The following PITPNC1 variants were observed in gnomAD, a reference collection of about 807,000 sequenced individuals.
The protein encoded by PITPNC1 is phosphatidylinositol transfer protein cytoplasmic 1.
Under a neutral mutation model 44.7 loss-of-function variants are expected in PITPNC1, and 18 were observed. The observed-to-expected ratio is 0.40, with a 90% CI of 0.28 to 0.60. PITPNC1 has a LOEUF of 0.60. Ranked by LOEUF, PITPNC1 falls within the 20% of genes least tolerant of loss-of-function variation. The pLI is 0.39. For synonymous variants in PITPNC1, 141 were observed against 149.6 expected, an observed-to-expected ratio of 0.94 and a Z score of 0.42; for missense variants, 290 against 418.4, an observed-to-expected ratio of 0.69 and a Z score of 2.68.
At chr17:67,406,674 C>T (rs2038406101) in intron 1 of PITPNC1, among the ~76,000 whole-genome samples, 1 of 151,484 alleles carries the variant, frequency 6.6e-6, no homozygotes, top group African/African-American at 2.4e-5. Flanking sequence ...GCAGCATCCG[C>T]CTCCCAGGTT....
In PITPNC1 at chr17:67,377,974, C is replaced by T. The variant is rs991540157; in HGVS notation, c.-181C>T. Reference sequence around the variant, plus strand: ...GGAGCTGCGAACACCCAGACCCAAACCCTGACATGCTCTGGGGCGGAGAGG... The same window carrying T: ...GGAGCTGCGAACACCCAGACCCAAATCCTGACATGCTCTGGGGCGGAGAGG... On this transcript the variant is annotated 5_prime_UTR_variant, in exon 1 of 9. Transcript: ENST00000581322. The T allele has an allele frequency of 6.9e-6, 3 of 434,310 alleles. No individual in the cohort carries two copies. In the Admixed American group the frequency reaches 1.4e-4, roughly 20 times the overall value. 26.9% of individuals were successfully genotyped at this position (434,310 alleles called of 1,614,324 possible). A position where few individuals can be genotyped will look rare whatever the true frequency, so the allele number is the denominator to read the frequency against.
At chr17:67,545,975 C>G (rs977035053) in intron 2 of PITPNC1, among the ~76,000 whole-genome samples, 1 of 151,856 alleles carries the variant, frequency 6.6e-6, no homozygotes, top group African/African-American at 2.4e-5. Flanking sequence ...TTTGGGAGCC[C>G]GAGGTGGGTG....
At chr17:67,381,943 TG>T (rs969331486) in intron 1 of PITPNC1, among the ~76,000 whole-genome samples, 16 of 152,154 alleles carry the variant, frequency 1.1e-4, no homozygotes, top group South Asian at 1.0e-3. Context: ...GTGGCACTGG[TG>T]TGTTATTATC....
At chr17:67,605,574 T>C (rs115827187) in intron 5 of PITPNC1, among the ~76,000 whole-genome samples, 2,078 of 152,350 alleles carry the variant, frequency 0.014, 51 homozygotes, top group African/African-American at 0.048. Context: ...CTCGTGTTTT[T>C]CTGTCAACCT....
At chr17:67,468,400 CT>C (rs139820910) in intron 1 of PITPNC1, among the ~76,000 whole-genome samples, 10,633 of 119,824 alleles carry the variant, frequency 0.089, 375 homozygotes, top group African/African-American at 0.14. Context: ...GCTTTCTTTC[CT>C]TTTTTTTTTT....
Position 67,507,995 on chromosome 17 carries a change from A to C in PITPNC1, c.49-24807A>C, listed in dbSNP as rs376236460. Among the ~76,000 whole-genome samples, 208 of 152,268 alleles carry C rather than the reference A, an allele frequency of 1.4e-3. 1 individual carries two copies. The highest frequency in any genetic ancestry group is 4.8e-3 in the African/African-American group (201 of 41,532). On this transcript the variant is annotated intron_variant, in intron 1 of 8. Transcript: ENST00000581322. ...GTGTTTAAACATGTCCAGGCCACCT[A>C]GTTGTCCCCGGAATCCTTAACCTCA...
In PITPNC1 at chr17:67,532,901, C is replaced by A; in HGVS notation, c.148C>A (p.Pro50Thr). 6.2e-7 allele frequency: 1 copy of A among 1,610,440 alleles called. No homozygotes were observed. Among genetic ancestry groups the A allele is most frequent in the Middle Eastern group, 1.7e-4 (1 of 5,876 alleles). Residue 50 changes from proline to threonine, a missense_variant, in exon 2 of 9, where the codon CCT becomes ACT. Coordinates refer to ENST00000581322, the MANE Select transcript of PITPNC1 (RefSeq NM_012417.4). ...CGTCCAGAATGAGCCCTTTGAGGACCCTCACCATGGCAATGGGCAGTTCAC... is the reference window on the plus strand; with the variant it reads ...CGTCCAGAATGAGCCCTTTGAGGACACTCACCATGGCAATGGGCAGTTCAC... The part of the protein sequence containing the change: ...EVVQNEPFED[P>T]HHGNGQFTEK...
rs569783040 is a variant in PITPNC1, at chr17:67,416,607, C to G, written c.48+38405C>G. On this transcript the variant is annotated intron_variant, in intron 1 of 8. Transcript: ENST00000581322. ...GCGTATTTCTGCCTGCATCCCTTGG[C>G]CCCCACCTCTTATCCTGGTTCCCAG... Among the ~76,000 whole-genome samples, 6 of 152,232 alleles carry G rather than the reference C, an allele frequency of 3.9e-5. No homozygotes were observed. In the East Asian group the frequency reaches 1.2e-3, roughly 29 times the overall value.
intron 4 of PITPNC1, among the ~76,000 whole-genome samples, chr17:67,557,892 C>T (rs1375253642): frequency 6.6e-6 from 1 of 152,204 alleles, no homozygotes; most frequent in Non-Finnish European, 1.5e-5. Context: ...AGTTCCTGTT[C>T]GGTGCCTCAA....
intron 5 of PITPNC1, among the ~76,000 whole-genome samples, chr17:67,616,809 C>G (rs2041763488): frequency 6.6e-6 from 1 of 152,220 alleles, no homozygotes; most frequent in Admixed American, 6.5e-5. Context: ...GCTTTTTCAT[C>G]TTACTGTTCT....
At chr17:67,425,920 G>C (rs936886832) in intron 1 of PITPNC1, among the ~76,000 whole-genome samples, 1 of 152,148 alleles carries the variant, frequency 6.6e-6, no homozygotes, top group Non-Finnish European at 1.5e-5. Flanking sequence ...TGCCATTGTA[G>C]CTCAAAAGCA....
intron 1 of PITPNC1, among the ~76,000 whole-genome samples, chr17:67,474,735 G>C (rs1272228859): frequency 6.6e-6 from 1 of 152,084 alleles, no homozygotes; most frequent in East Asian, 1.9e-4. Flanking sequence ...GCTCATTGCA[G>C]CCTTGACCTC....
At chr17:67,599,453 T>C (rs957886103) in intron 5 of PITPNC1, among the ~76,000 whole-genome samples, 3 of 151,960 alleles carry the variant, frequency 2.0e-5, no homozygotes, top group Non-Finnish European at 4.4e-5. Flanking sequence ...GGATGGAACC[T>C]GGGGGAATAT....
intron 2 of PITPNC1, among the ~76,000 whole-genome samples, chr17:67,534,020 G>A (rs1199716060): frequency 4.6e-5 from 7 of 151,748 alleles, no homozygotes; most frequent in Admixed American, 6.6e-5. Flanking sequence ...TCAGCCTCCC[G>A]AGTAGCTGGG....
intron 1 of PITPNC1, among the ~76,000 whole-genome samples, chr17:67,467,936 C>T (rs187571359): frequency 1.3e-3 from 192 of 152,332 alleles, no homozygotes; most frequent in Admixed American, 3.4e-3. Context: ...GATGTAATTG[C>T]ATGTCTTGTA....
chr17:67,662,768 T>C (rs1377041553), intron 6 of PITPNC1, among the ~76,000 whole-genome samples: 1 of 152,208 alleles, frequency 6.6e-6, no homozygotes, highest in East Asian at 1.9e-4. Context: ...GTACTTCATT[T>C]CTTCTTTTTT....
At chr17:67,550,072 C>T (rs1341305436) in intron 2 of PITPNC1, among the ~76,000 whole-genome samples, 1 of 152,174 alleles carries the variant, frequency 6.6e-6, no homozygotes, top group Non-Finnish European at 1.5e-5. Context: ...ACTCCAACTT[C>T]GGTGATGGAT....
At chr17:67,545,063 G>A (rs550986772) in intron 2 of PITPNC1, among the ~76,000 whole-genome samples, 17 of 152,156 alleles carry the variant, frequency 1.1e-4, no homozygotes, top group Non-Finnish European at 2.2e-4. Flanking sequence ...TGTAATCCCA[G>A]CACTTTGGGA....
chr17:67,419,667 A>C (rs2038641857), intron 1 of PITPNC1, among the ~76,000 whole-genome samples: 1 of 152,256 alleles, frequency 6.6e-6, no homozygotes, highest in South Asian at 2.1e-4. Context: ...GCACTTTGGG[A>C]GGCCGACGCA....
Sources: gnomAD v4.1 joint callset for allele counts (sites outside exome capture counted in the v4.1 genomes callset) on GRCh38, gnomAD v4.1.1 for gene constraint, MANE v1.5 for transcripts, NCBI Gene and HGNC (gene_info 2026-07-23, HGNC 2026-07-21) for gene names.